DOK5: variants seen among roughly 807,000 people sequenced by gnomAD.
The protein encoded by DOK5 is downstream of tyrosine kinase 5.
In DOK5, 27 loss-of-function variants were observed where a neutral mutation model predicts 43.3. That is an observed-to-expected ratio of 0.62 (90% CI 0.46 to 0.86). The LOEUF (loss-of-function observed/expected upper bound fraction) is 0.86. DOK5 is among the 40% of genes least tolerant of loss of function. The pLI is 0.00. For missense variants in DOK5, 373 were observed against 392.9 expected, an observed-to-expected ratio of 0.95 and a Z score of 0.43; for synonymous variants, 146 against 140.1, an observed-to-expected ratio of 1.04 and a Z score of -0.30.
chr20:54,586,934 G>C (rs767436903), intron 2 of DOK5, among the ~76,000 whole-genome samples: 4 of 151,932 alleles, frequency 2.6e-5, no homozygotes, highest in Non-Finnish European at 5.9e-5. Context: ...AAGGATGCAG[G>C]CTTTTGTCCC....
At chr20:54,577,733 C>T (rs753923197) in intron 2 of DOK5, among the ~76,000 whole-genome samples, 23 of 152,198 alleles carry the variant, frequency 1.5e-4, no homozygotes, top group Non-Finnish European at 2.6e-4. Flanking sequence ...TGTGAGTGTA[C>T]TGAATGCATC....
intron 6 of DOK5, among the ~76,000 whole-genome samples, chr20:54,617,931 C>T (rs925564635): frequency 2.6e-5 from 4 of 152,176 alleles, no homozygotes; most frequent in Admixed American, 2.6e-4. Flanking sequence ...CTTTACTTGC[C>T]TTTTCTCTAA....
chr20:54,504,309 C>T (rs73276904), intron 1 of DOK5, among the ~76,000 whole-genome samples: 8,436 of 152,240 alleles, frequency 0.055, 799 homozygotes, highest in African/African-American at 0.19. Context: ...TCTAGTTTAA[C>T]TGAGCTGATA....
intron 6 of DOK5, among the ~76,000 whole-genome samples, chr20:54,627,206 A>G (rs746707735): frequency 7.9e-5 from 12 of 152,240 alleles, no homozygotes; most frequent in Non-Finnish European, 1.8e-4. Context: ...ACACAACAAC[A>G]TCAAAACCAA....
chr20:54,484,865 A>C (rs559372242), intron 1 of DOK5, among the ~76,000 whole-genome samples: 2 of 152,308 alleles, frequency 1.3e-5, no homozygotes, highest in East Asian at 3.9e-4. Context: ...ATAAAAATAG[A>C]AAATTAGCCA....
At chr20:54,498,190 G>A (rs528909416) in intron 1 of DOK5, among the ~76,000 whole-genome samples, 8 of 152,104 alleles carry the variant, frequency 5.3e-5, no homozygotes, top group South Asian at 2.1e-4. Context: ...TTAGTGAGGC[G>A]GTGTTACTTT....
chr20:54,515,847 A>G (rs1287405692), intron 1 of DOK5, among the ~76,000 whole-genome samples: 1 of 152,232 alleles, frequency 6.6e-6, no homozygotes, highest in Non-Finnish European at 1.5e-5. Context: ...AAATAAGATT[A>G]CTGGCCATCA....
Position 54,538,314 on chromosome 20 carries a change from T to G in DOK5, c.67-16619T>G, listed in dbSNP as rs554753918. On this transcript the variant is annotated intron_variant, in intron 1 of 7. Coordinates refer to ENST00000262593, the MANE Select transcript of DOK5 (RefSeq NM_018431.5). ...CTGAAAAGATTTGGCAGAAGGAAGTTTACTCATCCAGTGCTAAGAGAAAAG... is the reference window on the plus strand; with the variant it reads ...CTGAAAAGATTTGGCAGAAGGAAGTGTACTCATCCAGTGCTAAGAGAAAAG... 1.1e-4 allele frequency among the ~76,000 whole-genome samples: 17 copies of G among 152,144 alleles called. No individual in the cohort carries two copies. In the East Asian group the frequency reaches 3.3e-3, roughly 29 times the overall value.
rs553831791 is a variant in DOK5 at position 54,501,498 on chromosome 20, A to G, written c.66+25486A>G. Reference sequence around the variant, plus strand: ...AAAAAAAAAAAAAAAAAAAAGAAGAAAAGGAAAAAGAAAAAATAAATCTGG... The same window carrying G: ...AAAAAAAAAAAAAAAAAAAAGAAGAGAAGGAAAAAGAAAAAATAAATCTGG... On this transcript the variant is annotated intron_variant, in intron 1 of 7. Transcript: ENST00000262593. Among the ~76,000 whole-genome samples the G allele has an allele frequency of 1.7e-3, 258 of 150,888 alleles. 1 individual carries two copies. The highest frequency in any genetic ancestry group is 0.014 in the Middle Eastern group (4 of 290).
intron 1 of DOK5, among the ~76,000 whole-genome samples, chr20:54,532,161 G>T (rs146761112): frequency 3.6e-4 from 55 of 152,230 alleles, no homozygotes; most frequent in Admixed American, 2.1e-3. Flanking sequence ...CTTGTTCTAA[G>T]GTGATTTAAA....
intron 1 of DOK5, chr20:54,476,254 CA>C (rs2146649901): frequency 1.0e-6 from 1 of 957,998 alleles, no homozygotes; most frequent in Non-Finnish European, 1.2e-6. Context: ...TGTTGGGCTT[CA>C]GTAGCCCCTG....
At chr20:54,609,195 G>A (rs1986565262) in intron 5 of DOK5, among the ~76,000 whole-genome samples, 1 of 152,160 alleles carries the variant, frequency 6.6e-6, no homozygotes. Context: ...AGTGGTTTAG[G>A]CTGAGAATTT....
intron 1 of DOK5, among the ~76,000 whole-genome samples, chr20:54,484,311 G>A (rs1981840015): frequency 6.6e-6 from 1 of 151,784 alleles, no homozygotes; most frequent in African/African-American, 2.4e-5. Flanking sequence ...CCCAGGAGGT[G>A]GAGGTTGCAT....
intron 1 of DOK5, among the ~76,000 whole-genome samples, chr20:54,524,227 C>A (rs576487984): frequency 3.9e-5 from 6 of 152,122 alleles, no homozygotes; most frequent in Admixed American, 3.3e-4. Context: ...GGTGTTAATG[C>A]GAAAGAAGGA....
chr20:54,591,062 G>A (rs1679235509), intron 4 of DOK5, among the ~76,000 whole-genome samples: 1 of 152,192 alleles, frequency 6.6e-6, no homozygotes, highest in Admixed American at 6.5e-5. Context: ...TCAAATATAT[G>A]CATTGGCATT....
chr20:54,631,789 T>C lies in DOK5; in HGVS notation c.736-11669T>C, dbSNP rs376427589. ...GAGATCGAGACCATCCTGGCCAGCA[T>C]GGTGAAACCCCGCCTGTAGTAAAAA... On this transcript the variant is annotated intron_variant, in intron 6 of 7. Transcript: ENST00000262593. Among the ~76,000 whole-genome samples, 87 of 152,168 alleles carry C rather than the reference T, an allele frequency of 5.7e-4. 2 individuals carry two copies. The South Asian group carries it at 0.016, about 27-fold the overall frequency.
intron 5 of DOK5, among the ~76,000 whole-genome samples, chr20:54,592,541 A>AT (rs767769473): frequency 0.014 from 1,899 of 140,026 alleles, 20 homozygotes; most frequent in African/African-American, 0.028. Context: ...ACTGCAGGTA[A>AT]TTTTTTTTTT....
intron 1 of DOK5, among the ~76,000 whole-genome samples, chr20:54,521,022 T>C (rs1413422460): frequency 6.6e-6 from 1 of 152,000 alleles, no homozygotes; most frequent in Non-Finnish European, 1.5e-5. Flanking sequence ...GAATGATCTT[T>C]CCCTGCTTGT....
chr20:54,579,354 G>T (rs1985557444), intron 2 of DOK5, among the ~76,000 whole-genome samples: 1 of 148,744 alleles, frequency 6.7e-6, no homozygotes, highest in African/African-American at 2.6e-5. Context: ...AGTTGTGTGT[G>T]TGCTTGTGTG....
Sources: gnomAD v4.1 joint callset for allele counts (sites outside exome capture counted in the v4.1 genomes callset) on GRCh38, gnomAD v4.1.1 for gene constraint, MANE v1.5 for transcripts, NCBI Gene and HGNC (gene_info 2026-07-23, HGNC 2026-07-21) for gene names.